PCM1: variants seen among roughly 807,000 people sequenced by gnomAD.
PCM1 encodes pericentriolar material 1 protein.
PCM1 carries 157 observed loss-of-function variants against 241.9 expected under a neutral mutation model. The ratio of observed to expected loss-of-function variants is 0.65; its 90% CI spans 0.57 to 0.74. The LOEUF is 0.74. Among genes scored for constraint, PCM1 ranks in the 30% least tolerant of loss-of-function variants. The pLI is 0.00. For synonymous variants in PCM1, 1,085 were observed against 784.9 expected, an observed-to-expected ratio of 1.38 and a Z score of -6.39; for missense variants, 3,478 against 2,360.1, an observed-to-expected ratio of 1.47 and a Z score of -9.81.
intron 20 of PCM1, 125 bp downstream of exon 20, chr8:17,966,598 GA>G (rs2074980850): frequency 1.3e-6 from 1 of 750,934 alleles, no homozygotes; most frequent in Admixed American, 3.1e-5. Context: ...TTTCCCTTGA[GA>G]ATTTTATAAG....
chr8:17,956,584 A>G lies in PCM1; in HGVS notation c.1473-20A>G, dbSNP rs2068607838. On this transcript the variant is annotated intron_variant, in intron 10 of 38. Transcript: ENST00000325083. ...GCTAAAATGGGTGTAAATCGTATAC[A>G]TAAATTTTTTGTTTATCAGGAAGTT... is the stretch of plus-strand genomic sequence containing the variant. The G allele has an allele frequency of 1.3e-6, 2 of 1,495,458 alleles. No individual in the cohort carries two copies. Among genetic ancestry groups the G allele is most frequent in the East Asian group, 2.3e-5 (1 of 43,492 alleles). 92.6% of individuals were successfully genotyped at this position (1,495,458 alleles called of 1,614,324 possible). A position where few individuals can be genotyped will look rare whatever the true frequency, so the allele number is the denominator to read the frequency against.
intron 6 of PCM1, among the ~76,000 whole-genome samples, chr8:17,946,765 A>G (rs914234461): frequency 1.3e-5 from 2 of 151,762 alleles, no homozygotes; most frequent in African/African-American, 4.8e-5. Context: ...AAGTGCTAGG[A>G]TTACAAGACT....
chr8:17,947,405 C>CAT (rs1488312867), intron 7 of PCM1, 42 bp downstream of exon 7: 2 of 1,383,320 alleles, frequency 1.4e-6, no homozygotes, highest in East Asian at 4.7e-5. Flanking sequence ...AAGGAAGACT[C>CAT]ATACATAATT....
Position 18,009,764 on chromosome 8 carries a change from A to G in PCM1, c.5160+20A>G, listed in dbSNP as rs747180198. 1.5e-6 allele frequency: 2 copies of G among 1,352,708 alleles called. No homozygotes were observed. Among genetic ancestry groups the G allele is most frequent in the East Asian group, 2.5e-5 (1 of 39,820 alleles). The allele number at this position is 1,352,708 out of a possible 1,614,324, so 83.8% of individuals were successfully genotyped here. A position where few individuals can be genotyped will look rare whatever the true frequency, so the allele number is the denominator to read the frequency against. On this transcript the variant is annotated intron_variant, in intron 31 of 38. Transcript: ENST00000325083. ...AAAGAGGTAAATAACGTTCATTTTG[A>G]TTTTTAGGATAATTGACACATAAAT... is the stretch of plus-strand genomic sequence containing the variant.
In PCM1 at chr8:17,951,005, T is replaced by C. The variant is rs527428419; in HGVS notation, c.1071+281T>C. Among the ~76,000 whole-genome samples, 15 of 152,362 alleles carry C rather than the reference T, an allele frequency of 9.8e-5. No homozygotes were observed. The South Asian group carries it at 3.1e-3, about 32-fold the overall frequency. On this transcript the variant is annotated intron_variant, in intron 8 of 38. Transcript: ENST00000325083. ...GGAAGTGATTAATGAAGTTTTTCTT[T>C]GTATGCTACTGGATGACGTATTCTT...
chr8:17,947,325 A>G lies in PCM1; in HGVS notation c.923A>G (p.His308Arg), dbSNP rs1247717555. Residue 308 changes from histidine to arginine, a missense_variant, in exon 7 of 39, where the codon CAT becomes CGT. By Grantham distance (29) the His-to-Arg change is conservative (BLOSUM62 0). Coordinates refer to ENST00000325083, the MANE Select transcript of PCM1 (RefSeq NM_006197.4). Reference sequence around the variant, plus strand: ...CAGGCTGCACTTCTAGCTCTGCAACATAAAGCAGAGCAAGCTATTGCAGTG... The same window carrying G: ...CAGGCTGCACTTCTAGCTCTGCAACGTAAAGCAGAGCAAGCTATTGCAGTG... The part of the protein sequence containing the change: ...GRQAALLALQ[H>R]KAEQAIAVMD... The G allele has an allele frequency of 6.2e-7, 1 of 1,611,018 alleles. No homozygotes were observed. The highest frequency in any genetic ancestry group is 1.3e-5 in the African/African-American group (1 of 74,740).
intron 38 of PCM1, among the ~76,000 whole-genome samples, chr8:18,026,232 C>T (rs1320513602): frequency 2.0e-5 from 2 of 99,262 alleles, no homozygotes; most frequent in African/African-American, 8.0e-5. Flanking sequence ...AAGAAAGGTA[C>T]AAAAATATTA....
Position 18,029,324 on chromosome 8 carries a change from T to C in PCM1, c.*1662T>C. On this transcript the variant is annotated 3_prime_UTR_variant, in exon 39 of 39. Coordinates refer to ENST00000325083, the MANE Select transcript of PCM1 (RefSeq NM_006197.4). ...CTTTAATAAAACCTATTCAGAAAAT[T>C]ACCAATTCAGAATTCGGAGTTCTTA... 4.7e-6 allele frequency: 1 copy of C among 212,730 alleles called. No individual in the cohort carries two copies. Among genetic ancestry groups the C allele is most frequent in the Non-Finnish European group, 9.5e-6 (1 of 104,938 alleles). 13.2% of individuals were successfully genotyped at this position (212,730 alleles called of 1,614,324 possible).
chr8:17,958,314 A>G (rs6997328), intron 13 of PCM1, among the ~76,000 whole-genome samples: 35,119 of 152,020 alleles, frequency 0.23, 4,675 homozygotes, highest in East Asian at 0.38. Context: ...TATAAAAGAA[A>G]AACCATATGT....
In PCM1 at chr8:17,985,590, T is replaced by C; in HGVS notation, c.4252T>C (p.Leu1418=). 6.2e-7 allele frequency: 1 copy of C among 1,607,938 alleles called. No homozygotes were observed. Among genetic ancestry groups the C allele is most frequent in the Non-Finnish European group, 8.5e-7 (1 of 1,176,708 alleles). Residue 1418 remains leucine, a synonymous_variant, in exon 25 of 39, where the codon TTG becomes CTG. Coordinates refer to ENST00000325083, the MANE Select transcript of PCM1 (RefSeq NM_006197.4). ...GCTGCAGCTACTAAACACAGACTAC[T>C]TGAGACAGAGGGCTTTATATGCATT... ...HELQLLNTDY[L]RQRALYALQD...
chr8:17,923,605 C>G (rs926304159), intron 1 of PCM1, among the ~76,000 whole-genome samples: 4 of 151,942 alleles, frequency 2.6e-5, no homozygotes, highest in African/African-American at 9.7e-5. Context: ...GGCCATAGTT[C>G]TTCCCCGCGT....
In PCM1 at chr8:17,937,377, C is replaced by G. The variant is rs1348160886; in HGVS notation, c.340C>G (p.Gln114Glu). The G allele has an allele frequency of 4.4e-6, 7 of 1,581,914 alleles. No individual in the cohort carries two copies. In the African/African-American group the frequency reaches 5.4e-5, roughly 12 times the overall value. ...GCGGATAAACTTCAGTGATTTAGAT[C>G]AGGTTTGTGAATTATTTTTAAAAAT... ...KQRINFSDLD[Q>E]RSIGSDSQGR... The change falls in exon 4 of 39, where the codon CAG becomes GAG. Residue 114 changes from glutamine (Q) to glutamate (E), a missense_variant and splice_region_variant. Transcript: ENST00000325083.
chr8:17,957,839 T>G (rs781207677), intron 13 of PCM1, 64 bp downstream of exon 13: 2 of 1,089,392 alleles, frequency 1.8e-6, no homozygotes, highest in Non-Finnish European at 2.7e-6. Context: ...GTAAAATTTG[T>G]GTATGATAAT....
chr8:17,998,953 C>T lies in PCM1; in HGVS notation c.4827+5334C>T, dbSNP rs569638881. Among the ~76,000 whole-genome samples, 215 of 152,242 alleles carry T rather than the reference C, an allele frequency of 1.4e-3. 1 individual carries two copies. Among genetic ancestry groups the T allele is most frequent in the African/African-American group, 4.9e-3 (202 of 41,552 alleles). On this transcript the variant is annotated intron_variant, in intron 29 of 38. Coordinates refer to ENST00000325083, the MANE Select transcript of PCM1 (RefSeq NM_006197.4). ...TGGTGGCTACCACTGTGACCACCGG[C>T]CCATGAGTTCTGCTAATATTCATTT...
chr8:17,961,304 CTTTTTTTTT>C (rs35468848), intron 15 of PCM1, among the ~76,000 whole-genome samples: 2 of 79,138 alleles, frequency 2.5e-5, no homozygotes, highest in East Asian at 4.2e-4. Flanking sequence ...TATTGGCTAG[CTTTTTTTTT>C]TTTTTTTTTT....
Position 18,011,354 on chromosome 8 carries a change from C to T in PCM1, c.5338C>T (p.Pro1780Ser). 13 of 1,594,866 alleles carry T rather than the reference C, an allele frequency of 8.2e-6. No individual in the cohort carries two copies. The highest frequency in any genetic ancestry group is 1.0e-5 in the Non-Finnish European group (12 of 1,172,892). The change falls in exon 33 of 39, where the codon CCA (proline) becomes TCA (serine). Residue 1780 changes from proline to serine, a missense_variant. By Grantham distance (74) the Pro-to-Ser change is moderately conservative. Transcript: ENST00000325083. Reference sequence around the variant, plus strand: ...GGAAGATGAAGAAAGTGAAGGATGTCCAGTGTCTATTAGTAAGTTTAAAGG... The same window carrying T: ...GGAAGATGAAGAAAGTGAAGGATGTTCAGTGTCTATTAGTAAGTTTAAAGG... ...QEEDEESEGC[P>S]VSINLSKAET...
chr8:17,926,382 C>T (rs2056961428), intron 2 of PCM1: 2 of 152,150 alleles, frequency 1.3e-5, no homozygotes, highest in Admixed American at 6.5e-5. Context: ...TCAGTACTTT[C>T]ATTTTTACGG....
intron 26 of PCM1, among the ~76,000 whole-genome samples, chr8:17,988,564 G>T (rs1199858817): frequency 6.6e-6 from 1 of 151,684 alleles, no homozygotes; most frequent in Non-Finnish European, 1.5e-5. Context: ...AACAAAAATA[G>T]GAATTTTCTG....
chr8:18,012,203 G>T (rs925993856), intron 34 of PCM1, among the ~76,000 whole-genome samples: 10 of 152,124 alleles, frequency 6.6e-5, no homozygotes, highest in African/African-American at 2.4e-4. Context: ...TTAGTGGTGT[G>T]ATTAAATTTC....
Sources: gnomAD v4.1 joint callset for allele counts (sites outside exome capture counted in the v4.1 genomes callset) on GRCh38, gnomAD v4.1.1 for gene constraint, MANE v1.5 for transcripts, NCBI Gene and HGNC (gene_info 2026-07-23, HGNC 2026-07-21) for gene names.